The following SLC60A2 variants were observed in gnomAD, a reference collection of about 807,000 sequenced individuals.
SLC60A2 encodes the protein major facilitator superfamily domain containing 4B.
the SLC60A2 span, among the ~76,000 whole-genome samples, chr6:111,276,843 C>T: frequency 2.0e-5 from 3 of 152,318 alleles, no homozygotes; most frequent in South Asian, 4.1e-4. Context: ...ATTCCTGGCC[C>T]ATCTTCTATA....
the SLC60A2 span, chr6:111,269,179 T>C: frequency 6.6e-6 from 1 of 152,276 alleles, no homozygotes; most frequent in South Asian, 2.1e-4. Context: ...GGTAAAAACC[T>C]TCTTGCTCTT....
At chr6:111,259,811 C>T in the SLC60A2 span, 7 of 1,279,198 alleles carry the variant, frequency 5.5e-6, no homozygotes, top group African/African-American at 9.1e-5. Flanking sequence ...GGGCGCGTTA[C>T]CTAATCTGAC....
chr6:111,273,388 T>A, the SLC60A2 span, among the ~76,000 whole-genome samples: 3 of 152,094 alleles, frequency 2.0e-5, no homozygotes, highest in Non-Finnish European at 4.4e-5. Flanking sequence ...CAGGCGATCC[T>A]CCCGTCTCAG....
chr6:111,275,768 A>T, the SLC60A2 span, among the ~76,000 whole-genome samples: 1 of 152,212 alleles, frequency 6.6e-6, no homozygotes, highest in South Asian at 2.1e-4. Context: ...TTTAATTTTG[A>T]TAAAATATAC....
the SLC60A2 span, chr6:111,262,513 A>G: frequency 7.8e-7 from 1 of 1,286,182 alleles, no homozygotes; most frequent in Non-Finnish European, 1.1e-6. Context: ...AGCATGCAGA[A>G]TGGTTGGCCA....
chr6:111,265,926 A>G, the SLC60A2 span: 1 of 1,614,086 alleles, frequency 6.2e-7, no homozygotes, highest in Non-Finnish European at 8.5e-7. Context: ...AGCCCCACAT[A>G]TGCAGGCCTT....
chr6:111,261,508 C>T, the SLC60A2 span, among the ~76,000 whole-genome samples: 7 of 151,886 alleles, frequency 4.6e-5, no homozygotes, highest in Non-Finnish European at 8.8e-5. Flanking sequence ...GATCTCAAAA[C>T]CCTGAGCTCA....
chr6:111,266,547 T>G, the SLC60A2 span: 1 of 1,614,186 alleles, frequency 6.2e-7, no homozygotes, highest in Middle Eastern at 1.6e-4. Flanking sequence ...AACTTCAGTG[T>G]ATGGGGCTTC....
the SLC60A2 span, among the ~76,000 whole-genome samples, chr6:111,262,867 C>G: frequency 6.6e-6 from 1 of 152,050 alleles, no homozygotes; most frequent in Non-Finnish European, 1.5e-5. Flanking sequence ...TGTTTTTGTT[C>G]CTGCTGCCCC....
chr6:111,269,503 T>C, the SLC60A2 span: 4 of 152,294 alleles, frequency 2.6e-5, no homozygotes, highest in Non-Finnish European at 5.9e-5. Flanking sequence ...CCCAGCCCTT[T>C]TGCTCTTTTT....
chr6:111,277,109 C>T, the SLC60A2 span, among the ~76,000 whole-genome samples: 7 of 152,238 alleles, frequency 4.6e-5, no homozygotes, highest in South Asian at 8.3e-4. Flanking sequence ...CCTACTCCCA[C>T]CACTCTGCAT....
the SLC60A2 span, among the ~76,000 whole-genome samples, chr6:111,263,652 A>C: frequency 1.3e-5 from 2 of 152,230 alleles, no homozygotes; most frequent in African/African-American, 2.4e-5. Context: ...ATATTTCATA[A>C]TCCATAAAGA....
the SLC60A2 span, chr6:111,259,747 C>T: frequency 6.4e-7 from 1 of 1,570,208 alleles, no homozygotes; most frequent in Non-Finnish European, 8.6e-7. Context: ...GGGGCTGCAA[C>T]ACTCCCAGGC....
the SLC60A2 span, chr6:111,268,310 A>G: frequency 2.0e-5 from 3 of 152,092 alleles, no homozygotes; most frequent in Admixed American, 2.0e-4. Context: ...TTACCCCCAT[A>G]CTGTTAACAT....
the SLC60A2 span, among the ~76,000 whole-genome samples, chr6:111,275,704 G>A: frequency 4.6e-5 from 7 of 152,018 alleles, no homozygotes; most frequent in South Asian, 6.2e-4. Context: ...CACTGTGCCC[G>A]GTCAGCTCAG....
chr6:111,275,383 AG>A, the SLC60A2 span, among the ~76,000 whole-genome samples: 1 of 151,544 alleles, frequency 6.6e-6, no homozygotes, highest in Non-Finnish European at 1.5e-5. Flanking sequence ...GAGTAGCATA[AG>A]GGGCTGGCTT....
the SLC60A2 span, among the ~76,000 whole-genome samples, chr6:111,273,496 G>GTTTTTTTTTTTTTTTTTTTTTTTT: frequency 9.1e-6 from 1 of 109,866 alleles, no homozygotes. Flanking sequence ...TGAGATTTGT[G>GTTTTTTTTTTTTTTTTTTTTTTTT]TTTTTTTTTT....
At chr6:111,263,488 T>C in the SLC60A2 span, among the ~76,000 whole-genome samples, 1 of 152,210 alleles carries the variant, frequency 6.6e-6, no homozygotes, top group East Asian at 1.9e-4. Context: ...ATTTAATTTT[T>C]TGCCTCATGT....
At chr6:111,274,027 TAAA>T in the SLC60A2 span, among the ~76,000 whole-genome samples, 70 of 152,190 alleles carry the variant, frequency 4.6e-4, no homozygotes, top group Non-Finnish European at 8.8e-5. Flanking sequence ...GCCTAATTTT[TAAA>T]TTATTTCTAG....
Sources: gnomAD v4.1 joint callset for allele counts (sites outside exome capture counted in the v4.1 genomes callset) on GRCh38, gnomAD v4.1.1 for gene constraint, MANE v1.5 for transcripts, NCBI Gene and HGNC (gene_info 2026-07-23, HGNC 2026-07-21) for gene names.